Variants in DNAJC17 observed in about 807,000 individuals in gnomAD.
The protein encoded by DNAJC17 is DnaJ heat shock protein family (Hsp40) member C17, also known as dnaJ homolog subfamily C member 17.
DNAJC17 carries 35 observed loss-of-function variants against 48.1 expected under a neutral mutation model. The observed-to-expected ratio is 0.73, with a 90% CI of 0.56 to 0.96. The LOEUF is 0.96. Among genes scored for constraint, DNAJC17 ranks in the 50% least tolerant of loss-of-function variants. DNAJC17 has a pLI of 0.00. For missense variants in DNAJC17, 355 were observed against 377.1 expected (o/e 0.94, Z 0.48); for synonymous variants, 117 against 142.7 (o/e 0.82, Z 1.28).
chr15:40,778,778 G>A (rs749507327), intron 4 of DNAJC17, among the ~76,000 whole-genome samples: 6 of 152,018 alleles, frequency 3.9e-5, no homozygotes, highest in African/African-American at 7.2e-5. Flanking sequence ...CTAAAAAAAC[G>A]GAACAAAATT....
At chr15:40,792,395 G>T in intron 1 of DNAJC17, 1 of 902,738 alleles carries the variant, frequency 1.1e-6, no homozygotes. Context: ...CTTAAGCTTT[G>T]AGTCTTGAAA....
At chr15:40,775,716 C>T in intron 6 of DNAJC17, 120 bp from the exon 7 acceptor site, 2 of 990,378 alleles carry the variant, frequency 2.0e-6, no homozygotes, top group South Asian at 2.8e-5. Flanking sequence ...AGGGCAATGC[C>T]TGCCCAGCTC....
chr15:40,781,233 C>T (rs1487594168), intron 1 of DNAJC17, among the ~76,000 whole-genome samples: 2 of 151,374 alleles, frequency 1.3e-5, no homozygotes, highest in East Asian at 3.9e-4. Context: ...TCCTGTAATC[C>T]TCATGCCTGT....
chr15:40,796,943 C>A (rs1288503790), intron 1 of DNAJC17, among the ~76,000 whole-genome samples: 1 of 151,412 alleles, frequency 6.6e-6, no homozygotes, highest in South Asian at 2.1e-4. Flanking sequence ...CTTTTTTTTT[C>A]CTTTGTAGAG....
intron 1 of DNAJC17, among the ~76,000 whole-genome samples, chr15:40,797,249 T>C (rs1228799009): frequency 1.3e-5 from 2 of 152,174 alleles, no homozygotes; most frequent in Non-Finnish European, 2.9e-5. Flanking sequence ...ACATGCCTAT[T>C]GTCCTAGCTA....
chr15:40,795,516 T>G (rs1262972678), intron 1 of DNAJC17, among the ~76,000 whole-genome samples: 1 of 152,040 alleles, frequency 6.6e-6, no homozygotes, highest in East Asian at 1.9e-4. Context: ...ATGGGAAATG[T>G]TTCAACCCTC....
At chr15:40,780,559 A>G in intron 1 of DNAJC17, 1 of 359,260 alleles carries the variant, frequency 2.8e-6, no homozygotes, top group Non-Finnish European at 5.5e-6. Context: ...CACGCCTGTC[A>G]TCCCAGCACT....
rs137974822 is a variant in DNAJC17, at chr15:40,773,810, G to C, written c.709C>G (p.Leu237Val). 941 of 1,613,926 alleles carry C rather than the reference G, an allele frequency of 5.8e-4. No individual in the cohort carries two copies. Among genetic ancestry groups the C allele is most frequent in the Non-Finnish European group, 7.6e-4 (898 of 1,179,984 alleles). The part of the protein sequence containing the change: ...AELAVQNEVG[L>V]VDNPLKISWL... ...GAAATCTTCAGAGGGTTATCCACCA[G>C]GCCAACTTCATTCTGGACAGCCAGC... The change falls in exon 10 of 11, where the codon CTG becomes GTG. Residue 237 changes from leucine (L) to valine (V), a missense_variant. This residue lies in a region of DNAJC17 where 68 missense variants were observed against 109.5 expected (regional missense o/e 0.62). Coordinates refer to ENST00000220496, the MANE Select transcript of DNAJC17 (RefSeq NM_018163.3).
chr15:40,767,160 C>CACT lies in DNAJC17; in HGVS notation c.*777_*779dup, dbSNP rs1888966931. 7.0e-7 allele frequency: 1 copy of CACT among 1,423,420 alleles called. No homozygotes were observed. The highest frequency in any genetic ancestry group is 2.7e-5 in the East Asian group (1 of 36,584). The allele number at this position is 1,423,420 out of a possible 1,614,324, so 88.2% of individuals were successfully genotyped here. ...GAGTGGCCAGGCTGCCTGCTGCAGA[C>CACT]ACTAGCTTTGTACCAGGAGCTTGCT... On this transcript the variant is annotated 3_prime_UTR_variant, in exon 11 of 11. Transcript: ENST00000220496.
chr15:40,773,665 G>T (rs1889223130), intron 10 of DNAJC17, 62 bp downstream of exon 10: 2 of 1,338,256 alleles, frequency 1.5e-6, no homozygotes, highest in African/African-American at 1.5e-5. Flanking sequence ...AGCCTGAGAG[G>T]AGCCCAGGTA....
chr15:40,796,081 T>C (rs527442498), intron 1 of DNAJC17, among the ~76,000 whole-genome samples: 16 of 152,328 alleles, frequency 1.1e-4, no homozygotes, highest in African/African-American at 2.6e-4. Context: ...AGCTTGTAAA[T>C]ATATTTACTC....
chr15:40,775,370 G>C (rs1235093782), intron 7 of DNAJC17, 183 bp downstream of exon 7: 3 of 783,560 alleles, frequency 3.8e-6, no homozygotes. Context: ...AGGGCTAAAA[G>C]CAGCCTTTCG....
At chr15:40,780,255 T>C (rs1471058439) in intron 1 of DNAJC17, 13 of 623,992 alleles carry the variant, frequency 2.1e-5, no homozygotes, top group African/African-American at 3.6e-5. Context: ...CAGGGGCTGC[T>C]GCAACAGGCA....
intron 1 of DNAJC17, among the ~76,000 whole-genome samples, chr15:40,787,212 G>A (rs984107160): frequency 6.6e-6 from 1 of 152,174 alleles, no homozygotes; most frequent in African/African-American, 2.4e-5. Flanking sequence ...GGAAGGTATG[G>A]GGGTTCCCCT....
chr15:40,775,136 A>G (rs375078608), intron 7 of DNAJC17, 28 bp from the exon 8 acceptor site: 8 of 1,609,228 alleles, frequency 5.0e-6, no homozygotes, highest in Non-Finnish European at 5.1e-6. Flanking sequence ...TGAAACACTG[A>G]TTCTTGGCTG....
At chr15:40,801,891 C>T (rs888077711) in intron 1 of DNAJC17, among the ~76,000 whole-genome samples, 1 of 151,974 alleles carries the variant, frequency 6.6e-6, no homozygotes, top group African/African-American at 2.4e-5. Context: ...AGGCTGAAAG[C>T]AGAAAAAAGT....
At chr15:40,806,398 T>C (rs1465821444) in intron 1 of DNAJC17, among the ~76,000 whole-genome samples, 6 of 152,058 alleles carry the variant, frequency 3.9e-5, no homozygotes, top group African/African-American at 1.2e-4. Flanking sequence ...TTTGTATTTT[T>C]AGTAGAGAAG....
At position 40,792,523 on chromosome 15, in the gene DNAJC17, G is replaced by A. The variant is rs188357218; in HGVS notation, c.79-12526C>T. The A allele has an allele frequency of 4.0e-5, 39 of 985,434 alleles. No individual in the cohort carries two copies. The East Asian group carries it at 4.3e-3, about 109-fold the overall frequency. The allele number at this position is 985,434 out of a possible 1,614,324, so 61.0% of individuals were successfully genotyped here. On this transcript the variant is annotated intron_variant, in intron 1 of 10. Coordinates refer to ENST00000220496, the MANE Select transcript of DNAJC17 (RefSeq NM_018163.3). ...AAAGGTAAGGCTGCTACAGACAGAA[G>A]AGAAAGACAGGCTGGACATGCTGAC...
chr15:40,776,634 A>G lies in DNAJC17; in HGVS notation c.296-7T>C, dbSNP rs1471443555. 1 of 1,613,610 alleles carries G rather than the reference A, an allele frequency of 6.2e-7. No homozygotes were observed. The highest frequency in any genetic ancestry group is 8.5e-7 in the Non-Finnish European group (1 of 1,179,950). On this transcript the variant is annotated splice_region_variant and splice_polypyrimidine_tract_variant and intron_variant, in intron 4 of 10. Coordinates refer to ENST00000220496, the MANE Select transcript of DNAJC17 (RefSeq NM_018163.3). ...CGCTCCCGGGCCTCCAGGTCTAGAC[A>G]CAAGGGTTGAATGACCAGACTGCTG...
Sources: allele counts gnomAD v4.1 joint callset (sites outside exome capture counted in the v4.1 genomes callset), GRCh38; gene constraint gnomAD v4.1.1; regional missense constraint gnomAD v4.1.1; transcripts MANE v1.5; gene names NCBI Gene and HGNC (gene_info 2026-07-23, HGNC 2026-07-21).